The following NF1 variants were observed in gnomAD, a reference collection of about 807,000 sequenced individuals.
The protein encoded by NF1 is neurofibromin.
A neutral mutation model predicts 325.7 loss-of-function variants in NF1; 122 were observed. The observed-to-expected ratio is 0.37, with a 90% CI of 0.32 to 0.44. The LOEUF is 0.44. Among genes scored for constraint, NF1 ranks in the 20% least tolerant of loss-of-function variants. The pLI, the probability that NF1 is intolerant of heterozygous loss-of-function variation, is 1.00. For synonymous variants in NF1, 1,091 were observed against 1,186.0 expected (o/e 0.92, Z 1.65); for missense variants, 2,140 against 3,415.4 (o/e 0.63, Z 9.31).
At position 31,290,353 on chromosome 17, in the gene NF1, G is replaced by T. The variant is rs902859263; in HGVS notation, c.4835+25014G>T. Among the ~76,000 whole-genome samples, 5 of 152,210 alleles carry T rather than the reference G, an allele frequency of 3.3e-5. No homozygotes were observed. The Middle Eastern group carries it at 0.01, about 311-fold the overall frequency. On this transcript the variant is annotated intron_variant, in intron 36 of 57. Transcript: ENST00000358273. The stretch of plus-strand genomic sequence containing the variant: ...TATCACATGAAGTGAGTGTTAAACT[G>T]AACTTTTTTCCAATTTCCTCATCTC...
intron 36 of NF1, among the ~76,000 whole-genome samples, chr17:31,301,692 G>A (rs1364035533): frequency 6.6e-6 from 1 of 152,110 alleles, no homozygotes; most frequent in Admixed American, 6.6e-5. Flanking sequence ...AATAGTCAGG[G>A]AGCAAACTCA....
At chr17:31,198,936 T>C (rs2066480388) in intron 8 of NF1, among the ~76,000 whole-genome samples, 1 of 152,184 alleles carries the variant, frequency 6.6e-6, no homozygotes, top group Non-Finnish European at 1.5e-5. Context: ...CACTTTCATA[T>C]CTGACTTTAG....
chr17:31,227,359 T>C (rs905819967), intron 19 of NF1, 68 bp downstream of exon 19: 1 of 1,534,160 alleles, frequency 6.5e-7, no homozygotes, highest in South Asian at 1.1e-5. Context: ...TCTTGTTACA[T>C]ATGTGTGATC....
intron 36 of NF1, among the ~76,000 whole-genome samples, chr17:31,289,653 AT>A (rs995259486): frequency 6.6e-6 from 1 of 152,076 alleles, no homozygotes; most frequent in African/African-American, 2.4e-5. Flanking sequence ...CTTCATAAAT[AT>A]TTTTATTGGC....
chr17:31,301,157 A>T (rs2068565874), intron 36 of NF1, among the ~76,000 whole-genome samples: 1 of 151,832 alleles, frequency 6.6e-6, no homozygotes, highest in Non-Finnish European at 1.5e-5. Flanking sequence ...CATGTGTGTG[A>T]TATTTAAAAG....
At chr17:31,168,458 T>C (rs2065879828) in intron 4 of NF1, among the ~76,000 whole-genome samples, 1 of 152,210 alleles carries the variant, frequency 6.6e-6, no homozygotes, top group African/African-American at 2.4e-5. Flanking sequence ...CAAATTAAGA[T>C]ACAAATAGGA....
At chr17:31,240,196 A>AT (rs980899830) in intron 29 of NF1, among the ~76,000 whole-genome samples, 60 of 152,308 alleles carry the variant, frequency 3.9e-4, no homozygotes, top group African/African-American at 1.4e-3. Context: ...TTTTGTACAC[A>AT]TTAACCATCC....
intron 36 of NF1, among the ~76,000 whole-genome samples, chr17:31,270,986 T>G (rs2067883375): frequency 6.6e-6 from 1 of 152,232 alleles, no homozygotes; most frequent in Non-Finnish European, 1.5e-5. Flanking sequence ...GTTTCATTTA[T>G]TACTAAAGTT....
chr17:31,282,512 C>G (rs968774001), intron 36 of NF1, among the ~76,000 whole-genome samples: 3 of 152,092 alleles, frequency 2.0e-5, no homozygotes, highest in Non-Finnish European at 4.4e-5. Flanking sequence ...TCTCCCCTTT[C>G]CTCCTGCCCC....
intron 36 of NF1, among the ~76,000 whole-genome samples, chr17:31,268,265 C>T (rs899755029): frequency 2.6e-5 from 4 of 152,112 alleles, no homozygotes; most frequent in African/African-American, 9.7e-5. Flanking sequence ...TAGGTTCTGG[C>T]CAGCCAGTTG....
chr17:31,373,640 A>G (rs2070686969), intron 57 of NF1, among the ~76,000 whole-genome samples: 2 of 152,252 alleles, frequency 1.3e-5, no homozygotes, highest in Admixed American at 6.5e-5. Context: ...CTGCATAACA[A>G]CATTGCAGTC....
At chr17:31,303,929 T>C (rs1462411988) in intron 36 of NF1, 1 of 172,692 alleles carries the variant, frequency 5.8e-6, no homozygotes, top group East Asian at 1.6e-4. Context: ...TTCACCATAA[T>C]TTTATACACA....
chr17:31,150,223 T>G (rs1181105573), intron 1 of NF1, among the ~76,000 whole-genome samples: 2 of 152,176 alleles, frequency 1.3e-5, no homozygotes, highest in Admixed American at 6.5e-5. Flanking sequence ...GTCATGTTGT[T>G]GATCAACAAG....
At position 31,110,550 on chromosome 17, in the gene NF1, G is replaced by A. The variant is rs183620337; in HGVS notation, c.60+15181G>A. Among the ~76,000 whole-genome samples the A allele has an allele frequency of 2.2e-4, 34 of 152,208 alleles. No homozygotes were observed. The East Asian group carries it at 5.6e-3, about 25-fold the overall frequency. On this transcript the variant is annotated intron_variant, in intron 1 of 57. Coordinates refer to ENST00000358273, the MANE Select transcript of NF1 (RefSeq NM_001042492.3). ...ATTCTGGGGTTTCTATGGTTCTTTC[G>A]TTTATAATACTATCATACTATTAAC... is the stretch of plus-strand genomic sequence containing the variant.
intron 36 of NF1, among the ~76,000 whole-genome samples, chr17:31,316,289 A>C (rs533008721): frequency 6.6e-6 from 1 of 152,204 alleles, no homozygotes; most frequent in Non-Finnish European, 1.5e-5. Flanking sequence ...GAACTCAAAG[A>C]TATCTTACCT....
At chr17:31,233,867 C>T (rs2151436357) in intron 27 of NF1, among the ~76,000 whole-genome samples, 1 of 152,290 alleles carries the variant, frequency 6.6e-6, no homozygotes, top group South Asian at 2.1e-4. Flanking sequence ...GTTAACAAGC[C>T]TGTATTTGTT....
At chr17:31,270,427 G>C (rs1404063260) in intron 36 of NF1, among the ~76,000 whole-genome samples, 1 of 152,114 alleles carries the variant, frequency 6.6e-6, no homozygotes, top group Admixed American at 6.5e-5. Context: ...TGGGCAGCAT[G>C]GTGAAACCCT....
intron 29 of NF1, 58 bp downstream of exon 29, chr17:31,236,079 G>A (rs1460834613): frequency 1.5e-6 from 2 of 1,313,876 alleles, no homozygotes; most frequent in Non-Finnish European, 2.2e-6. Flanking sequence ...TTGTTTGTTT[G>A]TTTTACTAAC....
At position 31,188,914 on chromosome 17, in the gene NF1, C is replaced by G. The variant is rs141943291; in HGVS notation, c.888+6249C>G. 1.1e-3 allele frequency among the ~76,000 whole-genome samples: 164 copies of G among 152,312 alleles called. 3 individuals carry two copies. In the East Asian group the frequency reaches 0.029, roughly 26 times the overall value. On this transcript the variant is annotated intron_variant, in intron 8 of 57. Coordinates refer to ENST00000358273, the MANE Select transcript of NF1 (RefSeq NM_001042492.3). ...CCTTGCTCCTCACCCTGCAGACAGC[C>G]TATTGTGGGACCTCGTGATCGTGTA...
Sources: gnomAD v4.1 joint callset for allele counts (sites outside exome capture counted in the v4.1 genomes callset) on GRCh38, gnomAD v4.1.1 for gene constraint, MANE v1.5 for transcripts, NCBI Gene and HGNC (gene_info 2026-07-23, HGNC 2026-07-21) for gene names.